The following TBC1D1 variants were observed in gnomAD, a reference collection of about 807,000 sequenced individuals.
TBC1D1 encodes the protein TBC1 (tre-2/USP6, BUB2, cdc16) domain family, member 1.
A neutral mutation model predicts 125.6 loss-of-function variants in TBC1D1; 89 were observed. The ratio of observed to expected loss-of-function variants is 0.71; its 90% CI spans 0.60 to 0.85. TBC1D1 has a LOEUF of 0.85. TBC1D1 is among the 40% of genes least tolerant of loss of function. The pLI is 0.00. For missense variants in TBC1D1, 1,377 were observed against 1,469.2 expected (o/e 0.94, Z 1.03); for synonymous variants, 565 against 564.1 (o/e 1.00, Z -0.02).
intron 2 of TBC1D1, among the ~76,000 whole-genome samples, chr4:37,935,603 C>T (rs997961185): frequency 6.6e-5 from 10 of 152,160 alleles, no homozygotes; most frequent in African/African-American, 2.4e-4. Flanking sequence ...CAATAACTTC[C>T]ATGCCTCCAT....
chr4:37,972,746 T>C (rs1406507765), intron 2 of TBC1D1, among the ~76,000 whole-genome samples: 2 of 151,378 alleles, frequency 1.3e-5, no homozygotes, highest in African/African-American at 4.9e-5. Context: ...CTACTAAAAA[T>C]ACAAAATTAG....
chr4:38,137,114 AT>A lies in TBC1D1; in HGVS notation c.3307-18del, dbSNP rs762494189. On this transcript the variant is annotated intron_variant, in intron 19 of 19. Transcript: ENST00000261439. ...TGTTAGCACTGGCAATTGTATTCTCATTTCTTCTTTTATTCTCCAGGTGGCA... is the reference window on the plus strand; with the variant it reads ...TGTTAGCACTGGCAATTGTATTCTCATTCTTCTTTTATTCTCCAGGTGGCA... 29 of 1,612,328 alleles carry A rather than the reference AT, an allele frequency of 1.8e-5. No homozygotes were observed. The highest frequency in any genetic ancestry group is 2.5e-6 in the Non-Finnish European group (3 of 1,179,764).
At chr4:38,060,719 G>T in intron 12 of TBC1D1, 9 of 1,080,294 alleles carry the variant, frequency 8.3e-6, no homozygotes, top group Non-Finnish European at 1.1e-5. Context: ...TGTTGATTAA[G>T]AGGCTTTCTT....
At chr4:37,999,638 T>C (rs1440743808) in intron 2 of TBC1D1, among the ~76,000 whole-genome samples, 1 of 151,968 alleles carries the variant, frequency 6.6e-6, no homozygotes, top group Non-Finnish European at 1.5e-5. Context: ...GACATTTGGG[T>C]TGGATCTGGA....
At chr4:38,013,088 T>C (rs1474290478) in intron 2 of TBC1D1, among the ~76,000 whole-genome samples, 2 of 152,158 alleles carry the variant, frequency 1.3e-5, no homozygotes, top group Admixed American at 6.5e-5. Flanking sequence ...CCACTGCGCC[T>C]GGCTGAAATT....
chr4:37,952,003 C>A, intron 2 of TBC1D1: 1 of 717,680 alleles, frequency 1.4e-6, no homozygotes, highest in Admixed American at 2.0e-5. Flanking sequence ...CCCTGTATTA[C>A]AGTGCTCATC....
intron 2 of TBC1D1, among the ~76,000 whole-genome samples, chr4:37,946,503 T>C (rs1207964059): frequency 6.6e-6 from 1 of 152,214 alleles, no homozygotes; most frequent in Non-Finnish European, 1.5e-5. Context: ...AGAAACAGTA[T>C]CGTGTGAATC....
intron 19 of TBC1D1, among the ~76,000 whole-genome samples, chr4:38,135,459 A>G (rs1211417445): frequency 6.6e-6 from 1 of 152,242 alleles, no homozygotes; most frequent in African/African-American, 2.4e-5. Context: ...GAAAGAGAAG[A>G]CATGCTTGCT....
chr4:37,983,484 C>T (rs200853721), intron 2 of TBC1D1, among the ~76,000 whole-genome samples: 2 of 152,124 alleles, frequency 1.3e-5, no homozygotes, highest in East Asian at 3.8e-4. Context: ...ACACTGTGCC[C>T]AGCTTTTTCT....
At chr4:37,910,375 C>A (rs1244787231) in intron 2 of TBC1D1, among the ~76,000 whole-genome samples, 2 of 152,072 alleles carry the variant, frequency 1.3e-5, no homozygotes, top group African/African-American at 4.8e-5. Flanking sequence ...GTATAAAAAA[C>A]ACAGTGGATT....
chr4:37,913,553 C>T (rs1021938897), intron 2 of TBC1D1, among the ~76,000 whole-genome samples: 1 of 151,836 alleles, frequency 6.6e-6, no homozygotes, highest in African/African-American at 2.4e-5. Flanking sequence ...GAGCTGAGAT[C>T]ACACCATTGC....
chr4:38,031,133 A>G (rs1426984431), intron 7 of TBC1D1, among the ~76,000 whole-genome samples: 1 of 152,260 alleles, frequency 6.6e-6, no homozygotes, highest in Non-Finnish European at 1.5e-5. Flanking sequence ...TGAATATACT[A>G]AATCCAAACT....
At chr4:38,036,465 A>G (rs894086646) in intron 8 of TBC1D1, among the ~76,000 whole-genome samples, 2 of 152,198 alleles carry the variant, frequency 1.3e-5, no homozygotes, top group Non-Finnish European at 2.9e-5. Flanking sequence ...TCTAGAGAAA[A>G]ATCAGTGAAG....
Position 37,902,177 on chromosome 4 carries a change from T to C in TBC1D1, c.82T>C (p.Ser28Pro). The C allele has an allele frequency of 6.2e-7, 1 of 1,614,056 alleles. No individual in the cohort carries two copies. Among genetic ancestry groups the C allele is most frequent in the Non-Finnish European group, 8.5e-7 (1 of 1,180,008 alleles). The stretch of plus-strand genomic sequence containing the variant: ...GGATTTTGGCCTGCAGCTGGTGGGC[T>C]CCCTGCCTGTGCATTCCCTGACCAC... The change falls in exon 2 of 20, where the codon TCC (serine) becomes CCC (proline). Residue 28 changes from serine (S) to proline (P), a missense_variant. Ser to Pro is a moderately conservative substitution (Grantham distance 74). This residue lies in a region of TBC1D1 where 822 missense variants were observed against 824.6 expected (regional missense o/e 1.00). Transcript: ENST00000261439.
At chr4:38,063,440 A>G (rs1753119876) in intron 12 of TBC1D1, among the ~76,000 whole-genome samples, 1 of 151,280 alleles carries the variant, frequency 6.6e-6, no homozygotes, top group Non-Finnish European at 1.5e-5. Context: ...CAAGGGAAGG[A>G]AGGGTTGGAT....
At chr4:37,982,983 G>A (rs528889484) in intron 2 of TBC1D1, among the ~76,000 whole-genome samples, 1 of 152,328 alleles carries the variant, frequency 6.6e-6, no homozygotes, top group South Asian at 2.1e-4. Flanking sequence ...GGAGGTTGGT[G>A]GGCCTGGAGC....
chr4:38,094,503 T>C (rs1261238991), intron 13 of TBC1D1, among the ~76,000 whole-genome samples: 2 of 152,178 alleles, frequency 1.3e-5, no homozygotes, highest in Non-Finnish European at 2.9e-5. Flanking sequence ...TGGGTGTTTG[T>C]TGTAGTTCTG....
At chr4:37,966,633 C>G (rs1731126673) in intron 2 of TBC1D1, among the ~76,000 whole-genome samples, 1 of 152,106 alleles carries the variant, frequency 6.6e-6, no homozygotes, top group African/African-American at 2.4e-5. Context: ...CACCTTTTAT[C>G]TTTTTTTAAT....
rs754263642 is a variant in TBC1D1 at position 38,020,567 on chromosome 4, C to T, written c.973-24C>T. 6 of 1,596,490 alleles carry T rather than the reference C, an allele frequency of 3.8e-6. No individual in the cohort carries two copies. The South Asian group carries it at 5.5e-5, about 15-fold the overall frequency. ...GGTGCGTCTTCTGGATACAACTGAA[C>T]ATCTCGTTCTCTCCCTTTGGCAGGG... On this transcript the variant is annotated intron_variant, in intron 4 of 19. Transcript: ENST00000261439.
Sources: gnomAD v4.1 joint callset for allele counts (sites outside exome capture counted in the v4.1 genomes callset) on GRCh38, gnomAD v4.1.1 for gene constraint, gnomAD v4.1.1 regional missense constraint, MANE v1.5 for transcripts, NCBI Gene and HGNC (gene_info 2026-07-23, HGNC 2026-07-21) for gene names.